DAB2: variants seen among roughly 807,000 people sequenced by gnomAD.
The protein encoded by DAB2 is disabled homolog 2.
In DAB2, 28 loss-of-function variants were observed where a neutral mutation model predicts 71.6. The observed-to-expected ratio is 0.39, with a 90% CI of 0.29 to 0.54. The LOEUF is 0.54. DAB2 is among the 20% of genes least tolerant of loss of function. DAB2 has a pLI of 0.68. For synonymous variants in DAB2, 345 were observed against 339.7 expected, an observed-to-expected ratio of 1.02 and a Z score of -0.17; for missense variants, 867 against 928.8, an observed-to-expected ratio of 0.93 and a Z score of 0.86.
chr5:39,390,277 T>C (rs987499235), intron 5 of DAB2, among the ~76,000 whole-genome samples, 167 bp downstream of exon 5: 1 of 152,222 alleles, frequency 6.6e-6, no homozygotes, highest in Non-Finnish European at 1.5e-5. Flanking sequence ...TAGCTATCAA[T>C]GACATTTTTA....
intron 1 of DAB2, among the ~76,000 whole-genome samples, chr5:39,395,384 A>G (rs1755335970): frequency 1.3e-5 from 2 of 152,212 alleles, no homozygotes; most frequent in South Asian, 4.1e-4. Context: ...GCCTTCAACA[A>G]AAGCCCTCTT....
Position 39,419,979 on chromosome 5 carries a change from G to C in DAB2, c.-102+4825C>G, listed in dbSNP as rs574383883. On this transcript the variant is annotated intron_variant, in intron 1 of 14. Transcript: ENST00000320816. ...ATACTTTGTTATGATTTCCACTGAA[G>C]AAGTGAATCCTAAAACCACTGAATT... Among the ~76,000 whole-genome samples the C allele has an allele frequency of 4.6e-5, 7 of 152,294 alleles. No individual in the cohort carries two copies. In the Middle Eastern group the frequency reaches 0.014, roughly 296 times the overall value.
At position 39,375,027 on chromosome 5, in the gene DAB2, A is replaced by G. The variant is rs1754790055; in HGVS notation, c.2305T>C (p.Phe769Leu). The part of the protein sequence containing the change: ...EMYRDPFGNP[F>L]A ...TCTTCTACTTACAGAATTTAGGCAA[A>G]AGGATTTCCAAATGGATCCCTATAC... Residue 769 changes from phenylalanine to leucine, a missense_variant, in exon 14 of 15, where the codon TTT (phenylalanine) becomes CTT (leucine). Phe to Leu is a conservative substitution (Grantham distance 22). Around this residue, in one of 2 missense-constraint regions of DAB2, gnomAD observed 740 missense variants for 734.3 expected, o/e 1.01. Transcript: ENST00000320816. The G allele has an allele frequency of 1.9e-6, 3 of 1,610,482 alleles. No homozygotes were observed. The highest frequency in any genetic ancestry group is 2.5e-6 in the Non-Finnish European group (3 of 1,177,468).
At chr5:39,414,716 G>T (rs537965476) in intron 1 of DAB2, among the ~76,000 whole-genome samples, 1 of 112,522 alleles carries the variant, frequency 8.9e-6, no homozygotes, top group Admixed American at 8.2e-5. Context: ...TTAAAAAAAG[G>T]GGGGGGGGTG....
chr5:39,395,833 C>T (rs988971488), intron 1 of DAB2, among the ~76,000 whole-genome samples: 2 of 150,826 alleles, frequency 1.3e-5, no homozygotes, highest in African/African-American at 2.4e-5. Context: ...GAACCAGGCA[C>T]TATTAACCTT....
At chr5:39,381,388 C>T (rs903771297) in intron 11 of DAB2, 66 bp downstream of exon 11, 64 of 1,505,708 alleles carry the variant, frequency 4.3e-5, no homozygotes, top group Non-Finnish European at 5.4e-5. Context: ...AAATCTCTTC[C>T]GATGCATCAT....
intron 1 of DAB2, among the ~76,000 whole-genome samples, chr5:39,396,276 G>C (rs1277217537): frequency 2.0e-5 from 3 of 152,190 alleles, no homozygotes; most frequent in Admixed American, 2.0e-4. Flanking sequence ...AACCCAGACT[G>C]TCTGGCCCCA....
In DAB2 at chr5:39,420,293, C is replaced by T. The variant is rs145428268; in HGVS notation, c.-102+4511G>A. ...AAGTCTTTTTGGGACTAACATTTTG[C>T]ATCATATTGCTAGGTAGCAATAGGG... On this transcript the variant is annotated intron_variant, in intron 1 of 14. Coordinates refer to ENST00000320816, the MANE Select transcript of DAB2 (RefSeq NM_001343.4). 6.8e-3 allele frequency among the ~76,000 whole-genome samples: 1,033 copies of T among 152,352 alleles called. 4 individuals carry two copies. Among genetic ancestry groups the T allele is most frequent in the Non-Finnish European group, 0.01 (709 of 68,038 alleles).
chr5:39,374,948 CTT>C (rs1754785822), intron 14 of DAB2, 64 bp downstream of exon 14: 1 of 1,020,084 alleles, frequency 9.8e-7, no homozygotes. Flanking sequence ...AAATTTCACT[CTT>C]TATTCCATGT....
intron 1 of DAB2, among the ~76,000 whole-genome samples, chr5:39,421,822 C>T (rs1249442169): frequency 3.3e-5 from 5 of 151,432 alleles, no homozygotes; most frequent in Admixed American, 6.6e-5. Context: ...TTTGGGAGGC[C>T]GAGGTGGGTG....
At chr5:39,392,284 G>A in intron 4 of DAB2, 81 bp downstream of exon 4, 3 of 1,004,342 alleles carry the variant, frequency 3.0e-6, no homozygotes, top group Admixed American at 1.7e-5. Context: ...TGAGAACGAA[G>A]AAGGGGAGCC....
In DAB2 at chr5:39,422,829, C is replaced by T. The variant is rs1756021060; in HGVS notation, c.-102+1975G>A. ...CCATTCAACCTTTGGAGAAAGACAA[C>T]AAACAGGCCTAATGCACAGGAATTT... On this transcript the variant is annotated intron_variant, in intron 1 of 14. Coordinates refer to ENST00000320816, the MANE Select transcript of DAB2 (RefSeq NM_001343.4). This position sits in a 1 kb window ranked among gnomAD's most constrained non-coding sequence, Gnocchi z 4.1. Among the ~76,000 whole-genome samples the T allele has an allele frequency of 6.6e-6, 1 of 152,190 alleles. No individual in the cohort carries two copies. The highest frequency in any genetic ancestry group is 2.1e-4 in the South Asian group (1 of 4,834).
Position 39,383,019 on chromosome 5 carries a change from G to C in DAB2, c.940C>G (p.Leu314Val), listed in dbSNP as rs755185803. The C allele has an allele frequency of 6.2e-7, 1 of 1,614,000 alleles. No homozygotes were observed. The highest frequency in any genetic ancestry group is 8.5e-7 in the Non-Finnish European group (1 of 1,180,028). The change falls in exon 10 of 15, where the codon CTC (leucine) becomes GTC (valine). Residue 314 changes from leucine to valine, a missense_variant. Physicochemically the swap from Leu to Val is conservative, Grantham distance 32. Around this residue, in one of 2 missense-constraint regions of DAB2, gnomAD observed 740 missense variants for 734.3 expected, o/e 1.01. Transcript: ENST00000320816. Reference sequence around the variant, plus strand: ...TCTTTCTTCTGATCTGGAGATTTGAGAGAATCAAACGAAGAAGGTGTCGAT... The same window carrying C: ...TCTTTCTTCTGATCTGGAGATTTGACAGAATCAAACGAAGAAGGTGTCGAT... ...DQSTPSSFDS[L>V]KSPDQKKENS... is the part of the protein sequence containing the mutation.
In DAB2 at chr5:39,381,572, G is replaced by T. The variant is rs1232950773; in HGVS notation, c.1386C>A (p.Pro462=). ...DLLASDIFAP[P]VSEPSGQASP... Reference sequence around the variant, plus strand: ...ACGCCTGGCCTGAAGGTTCTGAGACGGGAGGAGCAAAGATGTCTGATGCAA... The same window carrying T: ...ACGCCTGGCCTGAAGGTTCTGAGACTGGAGGAGCAAAGATGTCTGATGCAA... The change falls in exon 11 of 15, where the codon CCC becomes CCA. Residue 462 remains proline (P), a synonymous_variant. Coordinates refer to ENST00000320816, the MANE Select transcript of DAB2 (RefSeq NM_001343.4). 6.2e-7 allele frequency: 1 copy of T among 1,614,008 alleles called. No individual in the cohort carries two copies. Among genetic ancestry groups the T allele is most frequent in the East Asian group, 2.2e-5 (1 of 44,870 alleles).
intron 4 of DAB2, among the ~76,000 whole-genome samples, chr5:39,391,424 A>C (rs960395238): frequency 1.2e-4 from 18 of 152,136 alleles, no homozygotes; most frequent in Non-Finnish European, 7.3e-5. Context: ...TGGGAAAATA[A>C]GAGTTGACAG....
intron 1 of DAB2, among the ~76,000 whole-genome samples, chr5:39,415,267 C>A (rs966720132): frequency 1.3e-5 from 2 of 152,162 alleles, no homozygotes; most frequent in East Asian, 3.9e-4. Context: ...TCTGAAGGAC[C>A]ATCTGTATGG....
At chr5:39,420,972 C>T (rs779423706) in intron 1 of DAB2, among the ~76,000 whole-genome samples, 2 of 152,112 alleles carry the variant, frequency 1.3e-5, no homozygotes, top group South Asian at 2.1e-4. Context: ...CAGTTTAATC[C>T]GGGTGGTCCC....
intron 9 of DAB2, among the ~76,000 whole-genome samples, chr5:39,384,740 T>C (rs1755058296): frequency 6.6e-6 from 1 of 152,024 alleles, no homozygotes; most frequent in Admixed American, 6.6e-5. Context: ...AGAACTTTCA[T>C]ACTGACATCA....
chr5:39,400,400 G>T (rs2548569), intron 1 of DAB2, among the ~76,000 whole-genome samples: 148,331 of 152,062 alleles, frequency 0.98, 72,748 homozygotes, highest in Non-Finnish European at 1. Context: ...GCCTGGCTAA[G>T]TTTTTGTATT....
Sources: allele counts gnomAD v4.1 joint callset (sites outside exome capture counted in the v4.1 genomes callset), GRCh38; gene constraint gnomAD v4.1.1; regional missense constraint gnomAD v4.1.1; non-coding constraint Gnocchi (gnomAD v3.1); transcripts MANE v1.5; gene names NCBI Gene and HGNC (gene_info 2026-07-23, HGNC 2026-07-21).